The following TMEM184B variants were observed in gnomAD, a reference collection of about 807,000 sequenced individuals.
The protein encoded by TMEM184B is putative MAPK-activating protein FM08.
TMEM184B carries 17 observed loss-of-function variants against 41.8 expected under a neutral mutation model. The ratio of observed to expected loss-of-function variants is 0.41; its 90% confidence interval spans 0.28 to 0.61. TMEM184B has a LOEUF of 0.61. Ranked by LOEUF, TMEM184B falls within the 20% of genes least tolerant of loss-of-function variation. TMEM184B has a pLI of 0.34. For missense variants in TMEM184B, 393 were observed against 557.8 expected, an observed-to-expected ratio of 0.70 and a Z score of 2.98; for synonymous variants, 240 against 229.5, an observed-to-expected ratio of 1.05 and a Z score of -0.41.
chr22:38,230,799 G>A (rs2091594362), intron 4 of TMEM184B, 55 bp from the exon 5 acceptor site: 14 of 1,552,858 alleles, frequency 9.0e-6, no homozygotes, highest in Non-Finnish European at 1.2e-5. Context: ...CAGGACTTGG[G>A]AACAGTGGGG....
chr22:38,237,950 C>T (rs533813485), intron 3 of TMEM184B, among the ~76,000 whole-genome samples: 1 of 151,892 alleles, frequency 6.6e-6, no homozygotes, highest in African/African-American at 2.4e-5. Context: ...TACAGGCATG[C>T]GCCACACGCC....
intron 3 of TMEM184B, among the ~76,000 whole-genome samples, chr22:38,244,210 G>A (rs1486836936): frequency 1.3e-5 from 2 of 152,122 alleles, no homozygotes; most frequent in African/African-American, 4.8e-5. Flanking sequence ...AAGTTTCAAC[G>A]TGGAGAGGAA....
At chr22:38,222,587 A>T in intron 8 of TMEM184B, 1 of 985,170 alleles carries the variant, frequency 1.0e-6, no homozygotes. Context: ...CATGCCAGTG[A>T]CAGTGACCAG....
chr22:38,266,501 G>A (rs1415495048), intron 1 of TMEM184B, among the ~76,000 whole-genome samples: 4 of 152,226 alleles, frequency 2.6e-5, no homozygotes, highest in African/African-American at 7.2e-5. Context: ...CTGCTGCAAC[G>A]GTGCCGTCCA....
At chr22:38,232,739 G>T (rs2091667694) in intron 3 of TMEM184B, among the ~76,000 whole-genome samples, 1 of 152,134 alleles carries the variant, frequency 6.6e-6, no homozygotes. Flanking sequence ...TTCAATGGGT[G>T]ACCTGGTCCC....
At position 38,231,308 on chromosome 22, in the gene TMEM184B, G is replaced by A. The variant is rs1162712775; in HGVS notation, c.385C>T (p.Leu129=). Residue 129 remains leucine (L), a synonymous_variant, in exon 4 of 9, where the codon CTG becomes TTG. Transcript: ENST00000361906. ...TCTCCTCCTAGGTACTCATAGCACA[G>A]GCTCAGGAAATTATAGATGACCAAG... ...EALVIYNFLS[L]CYEYLGGESS... 1.2e-6 allele frequency: 2 copies of A among 1,614,170 alleles called. No individual in the cohort carries two copies. Among genetic ancestry groups the A allele is most frequent in the Admixed American group, 3.3e-5 (2 of 60,026 alleles).
chr22:38,218,694 G>A (rs887819490), downstream of TMEM184B, among the ~76,000 whole-genome samples: 10 of 152,230 alleles, frequency 6.6e-5, no homozygotes, highest in Admixed American at 3.3e-4. Flanking sequence ...CTGAAATGCT[G>A]AGCTCAGGCC....
intron 1 of TMEM184B, among the ~76,000 whole-genome samples, chr22:38,267,158 T>G (rs1248007575): frequency 6.6e-6 from 1 of 151,784 alleles, no homozygotes; most frequent in African/African-American, 2.4e-5. Flanking sequence ...AAGACTGAGA[T>G]CAACGTGGCA....
At chr22:38,248,137 C>A in intron 1 of TMEM184B, 118 bp from the exon 2 acceptor site, 2 of 1,344,682 alleles carry the variant, frequency 1.5e-6, no homozygotes, top group South Asian at 1.5e-5. Flanking sequence ...CCAACCATCA[C>A]CCTGTCCCAG....
chr22:38,225,351 A>C lies in TMEM184B; in HGVS notation c.787+73T>G. On this transcript the variant is annotated intron_variant, in intron 7 of 8. Coordinates refer to ENST00000361906, the MANE Select transcript of TMEM184B (RefSeq NM_012264.5). The surrounding 1 kb of genome is among the most constrained non-coding windows in gnomAD (Gnocchi z 4.4). The stretch of plus-strand genomic sequence containing the variant: ...GGCCCTACAGGCACCAGGGACCATA[A>C]GCAGAAGGGGCAGCAGGAAGCGCAG... 1 of 1,485,190 alleles carries C rather than the reference A, an allele frequency of 6.7e-7. No homozygotes were observed. Among genetic ancestry groups the C allele is most frequent in the South Asian group, 1.4e-5 (1 of 71,096 alleles). 92.0% of individuals were successfully genotyped at this position (1,485,190 alleles called of 1,614,324 possible). A position where few individuals can be genotyped will look rare whatever the true frequency, so the allele number is the denominator to read the frequency against.
At chr22:38,256,699 A>T (rs1023324704) in intron 1 of TMEM184B, among the ~76,000 whole-genome samples, 1 of 152,310 alleles carries the variant, frequency 6.6e-6, no homozygotes, top group Non-Finnish European at 1.5e-5. Flanking sequence ...TAGTGTAATG[A>T]ATTTTTCCAC....
Position 38,247,782 on chromosome 22 carries a change from G to A in TMEM184B, c.180C>T (p.Ile60=). ...SGFFVWTALL[I]TCHQIYMHLR... ...CAGGCTTGGGTACCTGGTGGCATGT[G>A]ATGAGCAGGGCCGTCCACACGAAGA... The change falls in exon 2 of 9, where the codon ATC becomes ATT. Residue 60 remains isoleucine, a synonymous_variant. Transcript: ENST00000361906. The A allele has an allele frequency of 6.2e-7, 1 of 1,612,836 alleles. No individual in the cohort carries two copies. The highest frequency in any genetic ancestry group is 2.2e-5 in the East Asian group (1 of 44,836).
chr22:38,246,767 A>G (rs1241169354), intron 2 of TMEM184B: 1 of 1,206,210 alleles, frequency 8.3e-7, no homozygotes, highest in Non-Finnish European at 1.1e-6. Context: ...GCAGAGGAAA[A>G]AAGTAAAAGC....
chr22:38,240,993 A>G (rs947395477), intron 3 of TMEM184B, among the ~76,000 whole-genome samples: 6 of 152,250 alleles, frequency 3.9e-5, no homozygotes, highest in African/African-American at 1.4e-4. Flanking sequence ...AAGCTGCTGG[A>G]AGACGTGCTC....
intron 5 of TMEM184B, among the ~76,000 whole-genome samples, chr22:38,230,298 G>A (rs553507038): frequency 3.6e-4 from 55 of 152,358 alleles, no homozygotes; most frequent in African/African-American, 1.2e-3. Context: ...CTGTTCTGGC[G>A]TGTGTCTTTA....
chr22:38,224,441 A>AT (rs1412071623), intron 8 of TMEM184B, among the ~76,000 whole-genome samples: 1 of 152,176 alleles, frequency 6.6e-6, no homozygotes, highest in Non-Finnish European at 1.5e-5. Context: ...AAAAAATAGC[A>AT]TATGAGATGA....
At position 38,225,120 on chromosome 22, in the gene TMEM184B, G is replaced by T; in HGVS notation, c.788-141C>A. ...CAGCTGCTCCTGCAGGGCAGGGGTA[G>T]CGACACAAGGCCACAGCCTCCGGAA... On this transcript the variant is annotated intron_variant, in intron 7 of 8. Transcript: ENST00000361906. The surrounding 1 kb of genome is among the most constrained non-coding windows in gnomAD (Gnocchi z 4.4). 1 of 1,024,686 alleles carries T rather than the reference G, an allele frequency of 9.8e-7. No homozygotes were observed. 63.5% of individuals were successfully genotyped at this position (1,024,686 alleles called of 1,614,324 possible).
intron 2 of TMEM184B, 48 bp from the exon 3 acceptor site, chr22:38,246,148 G>A (rs1468336231): frequency 6.3e-7 from 1 of 1,586,344 alleles, no homozygotes; most frequent in East Asian, 2.2e-5. Context: ...TGTCCACAGG[G>A]ACGGGAGGGC....
In TMEM184B at chr22:38,247,881, G is replaced by T. The variant is rs1347554446; in HGVS notation, c.81C>A (p.Ile27=). The change falls in exon 2 of 9, where the codon ATC becomes ATA. Residue 27 remains isoleucine (I), a synonymous_variant. Coordinates refer to ENST00000361906, the MANE Select transcript of TMEM184B (RefSeq NM_012264.5). The part of the protein sequence containing the change: ...TAAASPSVSV[I]PEGSPTAMEQ... ...CCATGGCAGTGGGGCTGCCCTCGGGGATCACGGAGACGCTGGGCGAGGCTG... is the reference window on the plus strand; with the variant it reads ...CCATGGCAGTGGGGCTGCCCTCGGGTATCACGGAGACGCTGGGCGAGGCTG... The T allele has an allele frequency of 6.2e-7, 1 of 1,612,004 alleles. No individual in the cohort carries two copies. Among genetic ancestry groups the T allele is most frequent in the Non-Finnish European group, 8.5e-7 (1 of 1,179,536 alleles).
Sources: allele counts gnomAD v4.1 joint callset (sites outside exome capture counted in the v4.1 genomes callset), GRCh38; gene constraint gnomAD v4.1.1; non-coding constraint Gnocchi (gnomAD v3.1); transcripts MANE v1.5; gene names NCBI Gene and HGNC (gene_info 2026-07-23, HGNC 2026-07-21).